The following CDYL2 variants were observed in gnomAD, a reference collection of about 807,000 sequenced individuals.
CDYL2 encodes the protein chromodomain Y like 2.
In CDYL2, 23 loss-of-function variants were observed where a neutral mutation model predicts 49.4. That is an observed-to-expected ratio of 0.47 (90% CI 0.34 to 0.66). CDYL2 has a LOEUF of 0.66. Among genes scored for constraint, CDYL2 ranks in the 30% least tolerant of loss-of-function variants. CDYL2 has a pLI of 0.01. For missense variants in CDYL2, 678 were observed against 656.4 expected (o/e 1.03, Z -0.36); for synonymous variants, 360 against 268.8 (o/e 1.34, Z -3.32).
intron 3 of CDYL2, among the ~76,000 whole-genome samples, chr16:80,632,011 G>C (rs1271481597): frequency 6.6e-6 from 1 of 152,134 alleles, no homozygotes; most frequent in Non-Finnish European, 1.5e-5. Flanking sequence ...TAAGCAATAT[G>C]ACCCAGCAAT....
At chr16:80,694,157 A>C (rs1910529728) in intron 1 of CDYL2, among the ~76,000 whole-genome samples, 1 of 152,206 alleles carries the variant, frequency 6.6e-6, no homozygotes. Context: ...GATTCTCATA[A>C]GAAACACGCA....
chr16:80,766,781 A>G (rs1229353696), intron 1 of CDYL2, among the ~76,000 whole-genome samples: 3 of 152,328 alleles, frequency 2.0e-5, no homozygotes, highest in Non-Finnish European at 4.4e-5. Context: ...TGTAAAAAGC[A>G]ACATCACAAA....
chr16:80,619,821 C>T (rs1567543065), intron 4 of CDYL2, among the ~76,000 whole-genome samples: 1 of 152,202 alleles, frequency 6.6e-6, no homozygotes, highest in East Asian at 1.9e-4. Flanking sequence ...GAATTCCACA[C>T]ACAAGAGCAT....
chr16:80,682,119 A>G (rs373084127), intron 2 of CDYL2, among the ~76,000 whole-genome samples: 6 of 152,200 alleles, frequency 3.9e-5, no homozygotes, highest in Non-Finnish European at 5.9e-5. Flanking sequence ...ATCAGTTGCC[A>G]GATAATCTAA....
chr16:80,654,991 C>A (rs1479258979), intron 2 of CDYL2, among the ~76,000 whole-genome samples: 1 of 152,176 alleles, frequency 6.6e-6, no homozygotes, highest in Non-Finnish European at 1.5e-5. Flanking sequence ...GTGGTTTCTG[C>A]AGCGGCCCAG....
At chr16:80,609,030 T>C (rs920482997) in intron 5 of CDYL2, among the ~76,000 whole-genome samples, 2 of 152,170 alleles carry the variant, frequency 1.3e-5, no homozygotes, top group African/African-American at 4.8e-5. Flanking sequence ...AGCTCAGGGC[T>C]GGGCAAGGGC....
chr16:80,748,504 A>AT (rs1906013960), intron 1 of CDYL2, among the ~76,000 whole-genome samples: 1 of 108,924 alleles, frequency 9.2e-6, no homozygotes, highest in African/African-American at 3.5e-5. Flanking sequence ...GCAAAACTCC[A>AT]TTAAAAAAAA....
chr16:80,744,491 G>GA (rs35937964), intron 1 of CDYL2, among the ~76,000 whole-genome samples: 71,177 of 151,978 alleles, frequency 0.47, 18,157 homozygotes, highest in East Asian at 0.67. Flanking sequence ...CCAAAAGAAG[G>GA]AAAAAAAGAA....
intron 2 of CDYL2, among the ~76,000 whole-genome samples, chr16:80,642,795 C>T (rs565214152): frequency 2.0e-5 from 3 of 152,066 alleles, no homozygotes; most frequent in Non-Finnish European, 4.4e-5. Context: ...GGAAAATTGC[C>T]CCCATGATTC....
At chr16:80,720,766 T>C (rs1404634415) in intron 1 of CDYL2, among the ~76,000 whole-genome samples, 5 of 152,118 alleles carry the variant, frequency 3.3e-5, no homozygotes, top group Admixed American at 2.6e-4. Flanking sequence ...CATTAGTGAG[T>C]GAAGATTTCA....
At chr16:80,745,835 C>T (rs1905910066) in intron 1 of CDYL2, among the ~76,000 whole-genome samples, 1 of 152,154 alleles carries the variant, frequency 6.6e-6, no homozygotes, top group African/African-American at 2.4e-5. Flanking sequence ...AGCGACCTTC[C>T]ACTTATGTTG....
intron 1 of CDYL2, among the ~76,000 whole-genome samples, chr16:80,779,437 A>G (rs1907193729): frequency 6.6e-6 from 1 of 152,106 alleles, no homozygotes; most frequent in Non-Finnish European, 1.5e-5. Context: ...TGGCAAGCAC[A>G]TGATTTCTGG....
chr16:80,709,312 G>A (rs1234378811), intron 1 of CDYL2, among the ~76,000 whole-genome samples: 1 of 151,238 alleles, frequency 6.6e-6, no homozygotes, highest in Non-Finnish European at 1.5e-5. Context: ...AACCCGGGGA[G>A]TGGAGGTTGC....
intron 2 of CDYL2, among the ~76,000 whole-genome samples, chr16:80,674,842 T>C (rs1166048379): frequency 6.6e-6 from 1 of 152,242 alleles, no homozygotes; most frequent in Admixed American, 6.5e-5. Flanking sequence ...AAGATCTTTG[T>C]CCTTTTTTTG....
At chr16:80,762,498 G>A (rs1248299609) in intron 1 of CDYL2, among the ~76,000 whole-genome samples, 2 of 152,172 alleles carry the variant, frequency 1.3e-5, no homozygotes, top group East Asian at 1.9e-4. Context: ...TCGCCAAAGC[G>A]TCAGATGGCA....
rs573228419 is a variant in CDYL2, at chr16:80,668,454, T to C, written c.616+16084A>G. Among the ~76,000 whole-genome samples the C allele has an allele frequency of 9.2e-3, 853 of 92,954 alleles. 8 individuals carry two copies. The highest frequency in any genetic ancestry group is 0.029 in the African/African-American group (777 of 26,716). 61.0% of individuals were successfully genotyped at this position (92,954 alleles called of 152,430 possible). The stretch of plus-strand genomic sequence containing the variant: ...AACAAATATTTAAGTAAATATGTAA[T>C]ATAATCACATATATAATATATGGTA... On this transcript the variant is annotated intron_variant, in intron 2 of 6. Transcript: ENST00000570137.
At position 80,608,129 on chromosome 16, in the gene CDYL2, A is replaced by T; in HGVS notation, c.1325T>A (p.Met442Lys). The T allele has an allele frequency of 1.2e-6, 2 of 1,604,840 alleles. No individual in the cohort carries two copies. The highest frequency in any genetic ancestry group is 1.1e-5 in the South Asian group (1 of 88,706). Reference sequence around the variant, plus strand: ...GGATGCCATCTCCTTGACCCGCAGCATGACCTCCTGGCTGAACGTGGTGGG... The same window carrying T: ...GGATGCCATCTCCTTGACCCGCAGCTTGACCTCCTGGCTGAACGTGGTGGG... ...FWPTTFSQEV[M>K]LRVKEMASCS... Residue 442 changes from methionine (M) to lysine (K), a missense_variant, in exon 6 of 7, where the codon ATG (methionine) becomes AAG (lysine). Met to Lys is a moderately conservative substitution (Grantham distance 95, BLOSUM62 -1). Transcript: ENST00000570137.
chr16:80,623,537 A>C (rs1215671241), intron 3 of CDYL2, among the ~76,000 whole-genome samples: 1 of 152,200 alleles, frequency 6.6e-6, no homozygotes. Flanking sequence ...AGCTGCCTAG[A>C]AATGCAGAGT....
intron 1 of CDYL2, among the ~76,000 whole-genome samples, chr16:80,696,208 G>A: frequency 6.6e-6 from 1 of 152,032 alleles, no homozygotes; most frequent in Non-Finnish European, 1.5e-5. Context: ...AATGAAAACA[G>A]AAACACAACA....
Sources: allele counts gnomAD v4.1 joint callset (sites outside exome capture counted in the v4.1 genomes callset), GRCh38; gene constraint gnomAD v4.1.1; transcripts MANE v1.5; gene names NCBI Gene and HGNC (gene_info 2026-07-23, HGNC 2026-07-21).